ANO4: variants seen among roughly 807,000 people sequenced by gnomAD.
ANO4 encodes anoctamin 4, also known as anoctamin-4.
In ANO4, 69 loss-of-function variants were observed where a neutral mutation model predicts 141.9. The ratio of observed to expected loss-of-function variants is 0.49; its 90% confidence interval spans 0.40 to 0.59. The LOEUF (loss-of-function observed/expected upper bound fraction) is 0.59. ANO4 is among the 20% of genes least tolerant of loss of function. ANO4 has a pLI of 0.00. For missense variants in ANO4, 894 were observed against 1,162.2 expected (o/e 0.77, Z 3.36); for synonymous variants, 350 against 394.3 (o/e 0.89, Z 1.33).
At chr12:101,084,297 T>C (rs1017723817) in intron 16 of ANO4, among the ~76,000 whole-genome samples, 2 of 152,204 alleles carry the variant, frequency 1.3e-5, no homozygotes, top group Non-Finnish European at 2.9e-5. Context: ...GATTTTGTTT[T>C]ATTATAGTAT....
In ANO4 at chr12:101,062,841, T is replaced by C. The variant is rs192901880; in HGVS notation, c.1312+14440T>C. ...TGGGCTCCGTAGGGGTGGGATCCGC[T>C]GAGCTAGACTGCTTGGCTCCCTGGC... On this transcript the variant is annotated intron_variant, in intron 14 of 27. Transcript: ENST00000392977. Among the ~76,000 whole-genome samples the C allele has an allele frequency of 1.0e-3, 153 of 152,360 alleles. 1 individual carries two copies. The highest frequency in any genetic ancestry group is 1.7e-3 in the Non-Finnish European group (116 of 68,040).
chr12:100,981,372 A>G (rs1354025147), intron 7 of ANO4, among the ~76,000 whole-genome samples: 10 of 151,888 alleles, frequency 6.6e-5, no homozygotes. Context: ...GCTGTCTATT[A>G]TCATTCCAAG....
chr12:100,963,358 G>C (rs1177070208), intron 5 of ANO4, among the ~76,000 whole-genome samples: 1 of 152,178 alleles, frequency 6.6e-6, no homozygotes, highest in Non-Finnish European at 1.5e-5. Flanking sequence ...GGGGGAGGGA[G>C]TGGCAATTTC....
At chr12:100,884,736 C>A (rs2039744538) in intron 1 of ANO4, among the ~76,000 whole-genome samples, 1 of 152,132 alleles carries the variant, frequency 6.6e-6, no homozygotes, top group South Asian at 2.1e-4. Context: ...GCTCTATCAC[C>A]CAGGCTGGAG....
chr12:101,022,742 CTCT>C (rs1566138992), intron 9 of ANO4, among the ~76,000 whole-genome samples: 1 of 152,088 alleles, frequency 6.6e-6, no homozygotes, highest in East Asian at 1.9e-4. Flanking sequence ...CAACTTATGA[CTCT>C]TTTTTTTTTG....
At chr12:100,761,849 C>T (rs1278432940) in intron 3 of ANO4, among the ~76,000 whole-genome samples, 1 of 152,170 alleles carries the variant, frequency 6.6e-6, no homozygotes, top group East Asian at 1.9e-4. Context: ...CTTTCCCTAC[C>T]TAGGTCCTAG....
At chr12:101,101,911 C>T (rs566204253) in intron 22 of ANO4, among the ~76,000 whole-genome samples, 1 of 152,110 alleles carries the variant, frequency 6.6e-6, no homozygotes, top group African/African-American at 2.4e-5. Flanking sequence ...GGTGAAACGC[C>T]GTCTGTACTG....
At chr12:100,868,670 G>T (rs1483047416) in intron 1 of ANO4, among the ~76,000 whole-genome samples, 5 of 152,092 alleles carry the variant, frequency 3.3e-5, no homozygotes, top group Non-Finnish European at 2.9e-5. Flanking sequence ...GCCACCACAA[G>T]CTTTCCAAGA....
At chr12:100,883,690 C>T (rs2039682420) in intron 1 of ANO4, among the ~76,000 whole-genome samples, 1 of 152,128 alleles carries the variant, frequency 6.6e-6, no homozygotes, top group African/African-American at 2.4e-5. Context: ...TTACACTATT[C>T]ACATTACTAT....
At chr12:100,786,074 C>G (rs186994571) in intron 3 of ANO4, among the ~76,000 whole-genome samples, 1 of 152,248 alleles carries the variant, frequency 6.6e-6, no homozygotes, top group Admixed American at 6.5e-5. Flanking sequence ...AGGGGAAATT[C>G]TATAGCAATG....
At chr12:100,768,019 G>A (rs1373442256) in intron 3 of ANO4, among the ~76,000 whole-genome samples, 2 of 152,122 alleles carry the variant, frequency 1.3e-5, no homozygotes, top group African/African-American at 2.4e-5. Flanking sequence ...TGTGGGTGCC[G>A]CCCTGGTCCC....
chr12:100,945,182 C>T (rs2042675415), intron 5 of ANO4, among the ~76,000 whole-genome samples: 1 of 152,318 alleles, frequency 6.6e-6, no homozygotes, highest in East Asian at 1.9e-4. Context: ...CAGACAGATG[C>T]TTATGTTTCC....
chr12:101,071,705 G>A (rs2048818530), intron 14 of ANO4, among the ~76,000 whole-genome samples: 1 of 152,120 alleles, frequency 6.6e-6, no homozygotes, highest in South Asian at 2.1e-4. Flanking sequence ...TAACTGGATT[G>A]TTTGTAACAC....
At chr12:100,778,162 G>C (rs902051779) in intron 3 of ANO4, among the ~76,000 whole-genome samples, 1 of 151,978 alleles carries the variant, frequency 6.6e-6, no homozygotes, top group African/African-American at 2.4e-5. Context: ...CTCGTGATCC[G>C]CCTGCCTCGG....
chr12:100,944,907 G>A (rs1045422744), intron 5 of ANO4, among the ~76,000 whole-genome samples: 2 of 152,062 alleles, frequency 1.3e-5, no homozygotes, highest in Non-Finnish European at 2.9e-5. Flanking sequence ...TTTAGAAACC[G>A]TTGGAAGTAT....
chr12:100,798,731 G>T (rs144599056), intron 1 of ANO4, among the ~76,000 whole-genome samples: 19 of 152,318 alleles, frequency 1.2e-4, no homozygotes, highest in African/African-American at 4.3e-4. Flanking sequence ...GACGAAAGGG[G>T]AACATTCTTC....
intron 3 of ANO4, among the ~76,000 whole-genome samples, chr12:100,741,149 A>C (rs1035244132): frequency 2.6e-5 from 4 of 152,300 alleles, no homozygotes; most frequent in Admixed American, 2.0e-4. Context: ...TGGAGGTTTA[A>C]ATTATGCAAA....
At chr12:100,837,983 A>G (rs2037031061) in intron 1 of ANO4, among the ~76,000 whole-genome samples, 1 of 152,128 alleles carries the variant, frequency 6.6e-6, no homozygotes, top group East Asian at 1.9e-4. Flanking sequence ...CCTGCTCAGC[A>G]TGAGTGAGCC....
intron 1 of ANO4, among the ~76,000 whole-genome samples, chr12:100,874,865 T>A (rs887510913): frequency 6.6e-6 from 1 of 152,148 alleles, no homozygotes; most frequent in Non-Finnish European, 1.5e-5. Flanking sequence ...GTATGGGTCC[T>A]GTAGCCCCTT....
Sources: allele counts gnomAD v4.1 joint callset (sites outside exome capture counted in the v4.1 genomes callset), GRCh38; gene constraint gnomAD v4.1.1; transcripts MANE v1.5; gene names NCBI Gene and HGNC (gene_info 2026-07-23, HGNC 2026-07-21).